The following EXOC6 variants were observed in gnomAD, a reference collection of about 807,000 sequenced individuals.
EXOC6 encodes the protein exocyst complex component 6.
Under a neutral mutation model 112.5 loss-of-function variants are expected in EXOC6, and 60 were observed. The observed-to-expected ratio is 0.53, with a 90% CI of 0.43 to 0.66. EXOC6 has a LOEUF of 0.66. EXOC6 is among the 30% of genes least tolerant of loss of function. EXOC6 has a pLI of 0.00. For synonymous variants in EXOC6, 295 were observed against 308.0 expected (o/e 0.96, Z 0.44); for missense variants, 855 against 957.1 (o/e 0.89, Z 1.41).
intron 2 of EXOC6, 90 bp from the exon 3 acceptor site, chr10:92,894,704 A>G (rs1849664669): frequency 2.0e-6 from 2 of 983,256 alleles, no homozygotes; most frequent in South Asian, 1.5e-5. Context: ...TAAGTTTCTC[A>G]TGAAGCATGA....
intron 17 of EXOC6, 59 bp downstream of exon 17, chr10:92,955,773 A>T: frequency 6.7e-7 from 1 of 1,488,404 alleles, no homozygotes; most frequent in Non-Finnish European, 9.1e-7. Context: ...ACGTTAAGAA[A>T]TTAAAGACCG....
chr10:92,903,879 A>T (rs1043385418), intron 5 of EXOC6, among the ~76,000 whole-genome samples: 1 of 152,066 alleles, frequency 6.6e-6, no homozygotes, highest in Non-Finnish European at 1.5e-5. Context: ...TTTGGCAAAC[A>T]TATATCATGT....
intron 1 of EXOC6, among the ~76,000 whole-genome samples, chr10:92,856,205 T>G (rs1442291072): frequency 6.6e-6 from 1 of 151,954 alleles, no homozygotes; most frequent in Non-Finnish European, 1.5e-5. Flanking sequence ...GATCTAATCT[T>G]TATTACTTTC....
intron 1 of EXOC6, among the ~76,000 whole-genome samples, chr10:92,841,140 G>A (rs942672013): frequency 4.6e-5 from 7 of 152,198 alleles, no homozygotes; most frequent in Admixed American, 1.3e-4. Context: ...ATTCTGTGCA[G>A]TAGATCACCA....
chr10:92,848,439 C>CCCCCCCCCCCCCCCCAA, upstream of EXOC6: 7 of 754,568 alleles, frequency 9.3e-6, no homozygotes, highest in Non-Finnish European at 8.3e-6. Flanking sequence ...GAGCGCCCCG[C>CCCCCCCCCCCCCCCCAA]CCCCGCCCCG....
At chr10:92,852,199 G>T (rs997554689) in intron 1 of EXOC6, among the ~76,000 whole-genome samples, 1 of 152,174 alleles carries the variant, frequency 6.6e-6, no homozygotes, top group African/African-American at 2.4e-5. Context: ...GAATAGCCCT[G>T]TATCAATTAA....
chr10:93,016,265 C>G (rs548247857), intron 20 of EXOC6, among the ~76,000 whole-genome samples: 1 of 151,810 alleles, frequency 6.6e-6, no homozygotes, highest in Admixed American at 6.6e-5. Context: ...TCCTGAGTAG[C>G]TGGGACTACA....
intron 1 of EXOC6, among the ~76,000 whole-genome samples, chr10:92,887,827 T>A (rs1849301707): frequency 6.6e-6 from 1 of 152,232 alleles, no homozygotes; most frequent in South Asian, 2.1e-4. Flanking sequence ...ATTTGATGAA[T>A]TTTTGATTCT....
chr10:92,852,612 T>TG (rs1367675667), intron 1 of EXOC6, among the ~76,000 whole-genome samples: 4 of 152,202 alleles, frequency 2.6e-5, no homozygotes, highest in Non-Finnish European at 5.9e-5. Context: ...TCAAGAAAGA[T>TG]GCTGGCTTAA....
chr10:93,042,857 T>C (rs190977756), intron 20 of EXOC6, among the ~76,000 whole-genome samples: 7 of 152,186 alleles, frequency 4.6e-5, no homozygotes, highest in Non-Finnish European at 8.8e-5. Context: ...AAGAGCTTGA[T>C]TTTTTTCCAG....
Position 92,974,226 on chromosome 10 carries a change from T to G in EXOC6, c.1947T>G (p.His649Gln), listed in dbSNP as rs1231394506. 6.5e-7 allele frequency: 1 copy of G among 1,549,872 alleles called. No individual in the cohort carries two copies. Among genetic ancestry groups the G allele is most frequent in the African/African-American group, 1.4e-5 (1 of 71,252 alleles). ...GAAGCATCTTTCAAGTGTTTACTCA[T>G]TTGCCTGTAAGTATAAAAATTTTCA... is the stretch of plus-strand genomic sequence containing the variant. ...FLRSIFQVFTHLPGKVAQTAC... is the reference protein window; with the variant it reads ...FLRSIFQVFTQLPGKVAQTAC... The change falls in exon 18 of 22, where the codon CAT becomes CAG. Residue 649 changes from histidine (H) to glutamine (Q), a missense_variant. By Grantham distance (24) the His-to-Gln change is conservative (BLOSUM62 0). Around this residue, in one of 2 missense-constraint regions of EXOC6, gnomAD observed 450 missense variants for 563.5 expected, o/e 0.80. Coordinates refer to ENST00000260762, the MANE Select transcript of EXOC6 (RefSeq NM_019053.6).
intron 1 of EXOC6, among the ~76,000 whole-genome samples, chr10:92,835,296 G>C (rs542409161): frequency 1.2e-4 from 19 of 152,046 alleles, no homozygotes; most frequent in African/African-American, 4.6e-4. Context: ...TTCCATATAA[G>C]GTTTATTTAT....
chr10:92,943,559 G>A (rs941453799), intron 13 of EXOC6, among the ~76,000 whole-genome samples: 1 of 151,886 alleles, frequency 6.6e-6, no homozygotes, highest in South Asian at 2.1e-4. Flanking sequence ...TTTTATTTTT[G>A]TATTATTTTT....
chr10:92,866,168 T>C (rs1445222660), intron 1 of EXOC6, among the ~76,000 whole-genome samples: 1 of 152,188 alleles, frequency 6.6e-6, no homozygotes, highest in Admixed American at 6.5e-5. Flanking sequence ...TTTTTCCTAG[T>C]ATTATCTTAA....
At chr10:92,870,113 G>A (rs1737031999) in intron 1 of EXOC6, among the ~76,000 whole-genome samples, 2 of 151,742 alleles carry the variant, frequency 1.3e-5, no homozygotes. Flanking sequence ...CACCACGCCT[G>A]GCTAATTTTT....
chr10:92,997,740 C>CTGA, intron 19 of EXOC6, 125 bp downstream of exon 19: 1 of 743,946 alleles, frequency 1.3e-6, no homozygotes, highest in Non-Finnish European at 1.9e-6. Flanking sequence ...AAACTTTTAG[C>CTGA]AGCCTTAGGA....
chr10:92,868,597 T>C (rs1471879684), intron 1 of EXOC6, among the ~76,000 whole-genome samples: 2 of 152,132 alleles, frequency 1.3e-5, no homozygotes, highest in Non-Finnish European at 1.5e-5. Flanking sequence ...AAGTATTTGA[T>C]TGGGATTGAG....
chr10:92,832,016 G>C (rs548665589), upstream of EXOC6, among the ~76,000 whole-genome samples: 1 of 152,336 alleles, frequency 6.6e-6, no homozygotes, highest in South Asian at 2.1e-4. Flanking sequence ...ACAGATGTAT[G>C]TGTTCATGAA....
chr10:92,974,257 T>C lies in EXOC6; in HGVS notation c.1953+25T>C, dbSNP rs185256751. 565 of 1,478,556 alleles carry C rather than the reference T, an allele frequency of 3.8e-4. No individual in the cohort carries two copies. In the African/African-American group the frequency reaches 6.1e-3, roughly 16 times the overall value. The allele number at this position is 1,478,556 out of a possible 1,614,324, so 91.6% of individuals were successfully genotyped here. Reference sequence around the variant, plus strand: ...TGTAAGTATAAAAATTTTCAAAAATTGTTTTATGTTTGCTTACTAAAGTAT... The same window carrying C: ...TGTAAGTATAAAAATTTTCAAAAATCGTTTTATGTTTGCTTACTAAAGTAT... On this transcript the variant is annotated intron_variant, in intron 18 of 21. Transcript: ENST00000260762.
Sources: gnomAD v4.1 joint callset for allele counts (sites outside exome capture counted in the v4.1 genomes callset) on GRCh38, gnomAD v4.1.1 for gene constraint, gnomAD v4.1.1 regional missense constraint, MANE v1.5 for transcripts, NCBI Gene and HGNC (gene_info 2026-07-23, HGNC 2026-07-21) for gene names.